The following SNAP91 variants were observed in gnomAD, a reference collection of about 807,000 sequenced individuals.
SNAP91 encodes clathrin coat assembly protein AP180.
Under a neutral mutation model 100.3 loss-of-function variants are expected in SNAP91, and 27 were observed. The observed-to-expected ratio is 0.27, with a 90% CI of 0.20 to 0.37. SNAP91 has a LOEUF of 0.37. SNAP91 is among the 10% of genes least tolerant of loss of function. The pLI, the probability that SNAP91 is intolerant of heterozygous loss-of-function variation, is 1.00. For missense variants in SNAP91, 986 were observed against 1,123.7 expected (o/e 0.88, Z 1.75); for synonymous variants, 404 against 398.6 (o/e 1.01, Z -0.16).
At chr6:83,669,761 G>A (rs1313492067) in intron 2 of SNAP91, among the ~76,000 whole-genome samples, 1 of 151,966 alleles carries the variant, frequency 6.6e-6, no homozygotes, top group Non-Finnish European at 1.5e-5. Flanking sequence ...GAGAGGGAAT[G>A]TCTGGATTCT....
chr6:83,586,372 A>T (rs2092631553), intron 22 of SNAP91, among the ~76,000 whole-genome samples: 1 of 152,206 alleles, frequency 6.6e-6, no homozygotes, highest in African/African-American at 2.4e-5. Context: ...CATAGGCTGG[A>T]CCATATAGTC....
At chr6:83,633,185 G>T (rs2097281111) in intron 8 of SNAP91, among the ~76,000 whole-genome samples, 1 of 152,194 alleles carries the variant, frequency 6.6e-6, no homozygotes, top group African/African-American at 2.4e-5. Flanking sequence ...AAGTCTATCA[G>T]GCTCCAGGCT....
rs545689640 is a variant in SNAP91 at position 83,593,098 on chromosome 6, C to T, written c.1775-81G>A. 20 of 1,506,276 alleles carry T rather than the reference C, an allele frequency of 1.3e-5. No homozygotes were observed. The East Asian group carries it at 3.9e-4, about 29-fold the overall frequency. 93.3% of individuals were successfully genotyped at this position (1,506,276 alleles called of 1,614,324 possible). On this transcript the variant is annotated intron_variant, in intron 19 of 29. Transcript: ENST00000369694. ...ATCAAAGTCAAAAATCTAACAAATG[C>T]ATTATCACAGGTGAGTACAAAGAGC...
chr6:83,684,966 A>T (rs775071339), intron 2 of SNAP91, among the ~76,000 whole-genome samples: 3 of 152,224 alleles, frequency 2.0e-5, no homozygotes, highest in Non-Finnish European at 2.9e-5. Context: ...ACAAGTAGCA[A>T]AAAAGGGAGG....
At chr6:83,610,545 G>T in intron 12 of SNAP91, 105 bp downstream of exon 12, 1 of 389,484 alleles carries the variant, frequency 2.6e-6, no homozygotes, top group East Asian at 4.2e-5. Flanking sequence ...GAGGATGGTT[G>T]TACAACAATG....
chr6:83,611,126 A>ATTCTTCACAG (rs2096031461), intron 11 of SNAP91, among the ~76,000 whole-genome samples: 1 of 152,134 alleles, frequency 6.6e-6, no homozygotes, highest in Non-Finnish European at 1.5e-5. Flanking sequence ...CTTAGGTTAA[A>ATTCTTCACAG]GTACACTGTG....
chr6:83,660,484 C>G (rs1197460568), intron 5 of SNAP91, among the ~76,000 whole-genome samples: 1 of 151,992 alleles, frequency 6.6e-6, no homozygotes, highest in Non-Finnish European at 1.5e-5. Flanking sequence ...TGCTATAGTA[C>G]CTTGCCATTA....
At chr6:83,604,539 T>C (rs114147260) in intron 14 of SNAP91, among the ~76,000 whole-genome samples, 2,751 of 152,244 alleles carry the variant, frequency 0.018, 74 homozygotes, top group African/African-American at 0.059. Context: ...AGATTACAGA[T>C]AGGACTTTTG....
chr6:83,593,336 T>G (rs2094050673), intron 18 of SNAP91, 77 bp from the exon 19 acceptor site: 2 of 1,522,122 alleles, frequency 1.3e-6, no homozygotes, highest in African/African-American at 1.4e-5. Flanking sequence ...AGTCCTTAAT[T>G]AGCACTTTGA....
intron 26 of SNAP91, among the ~76,000 whole-genome samples, chr6:83,563,121 G>A (rs972737160): frequency 1.3e-5 from 2 of 152,142 alleles, no homozygotes; most frequent in South Asian, 2.1e-4. Flanking sequence ...TCCTGTGAAC[G>A]AGACATCTTA....
At chr6:83,573,014 C>T (rs949499712) in intron 26 of SNAP91, among the ~76,000 whole-genome samples, 4 of 152,188 alleles carry the variant, frequency 2.6e-5, no homozygotes, top group African/African-American at 9.7e-5. Context: ...GGCTGGAGTG[C>T]TACTTGCACA....
intron 2 of SNAP91, among the ~76,000 whole-genome samples, chr6:83,704,537 T>C (rs1336094599): frequency 2.0e-5 from 3 of 152,290 alleles, no homozygotes; most frequent in East Asian, 3.9e-4. Context: ...ATAAATCATA[T>C]ATCTTTAAGA....
At chr6:83,625,374 G>C (rs575423486) in intron 8 of SNAP91, among the ~76,000 whole-genome samples, 1 of 152,178 alleles carries the variant, frequency 6.6e-6, no homozygotes, top group Admixed American at 6.6e-5. Context: ...CTTTTTGGTA[G>C]AACAATTTAT....
chr6:83,565,951 C>G (rs549201074), intron 26 of SNAP91, among the ~76,000 whole-genome samples: 2 of 152,164 alleles, frequency 1.3e-5, no homozygotes, highest in East Asian at 3.9e-4. Flanking sequence ...AGTTCTATTC[C>G]TAGGTATATT....
At chr6:83,557,760 G>A (rs1780983481) in intron 28 of SNAP91, among the ~76,000 whole-genome samples, 1 of 151,984 alleles carries the variant, frequency 6.6e-6, no homozygotes, top group East Asian at 1.9e-4. Context: ...AATAAAGTAA[G>A]GCTTGAACTT....
chr6:83,658,285 GGTGGATA>G (rs1316376479), intron 6 of SNAP91, among the ~76,000 whole-genome samples: 1 of 152,100 alleles, frequency 6.6e-6, no homozygotes, highest in Non-Finnish European at 1.5e-5. Context: ...ACAATTCTTT[GGTGGATA>G]GTGTCATTTA....
rs899564683 is a variant in SNAP91, at chr6:83,559,603, T to C, written c.2631+501A>G. On this transcript the variant is annotated intron_variant, in intron 28 of 29. Coordinates refer to ENST00000369694, the MANE Select transcript of SNAP91 (RefSeq NM_001242792.2). ...GAATTTGTAGCCAGCTAGTCTGAAG[T>C]GGGGGTGGTCCTGGGGACTCACAAA... Among the ~76,000 whole-genome samples the C allele has an allele frequency of 1.1e-4, 16 of 152,096 alleles. 1 individual carries two copies. Among genetic ancestry groups the C allele is most frequent in the Admixed American group, 9.8e-4 (15 of 15,264 alleles).
chr6:83,586,968 C>A (rs1235913620), intron 22 of SNAP91, among the ~76,000 whole-genome samples: 3 of 152,094 alleles, frequency 2.0e-5, no homozygotes, highest in African/African-American at 4.8e-5. Flanking sequence ...ACGACTAAGG[C>A]AATATTTCAA....
At chr6:83,592,727 C>G (rs914766273) in intron 20 of SNAP91, among the ~76,000 whole-genome samples, 189 bp from the exon 21 acceptor site, 7 of 152,138 alleles carry the variant, frequency 4.6e-5, no homozygotes, top group Non-Finnish European at 1.0e-4. Context: ...AAAATTGACT[C>G]CTTGAGGTCA....
Sources: allele counts gnomAD v4.1 joint callset (sites outside exome capture counted in the v4.1 genomes callset), GRCh38; gene constraint gnomAD v4.1.1; transcripts MANE v1.5; gene names NCBI Gene and HGNC (gene_info 2026-07-23, HGNC 2026-07-21).